The following SLC14A2 variants were observed in gnomAD, a reference collection of about 807,000 sequenced individuals.
SLC14A2 encodes the protein urea transporter 2.
SLC14A2 carries 91 observed loss-of-function variants against 104.6 expected under a neutral mutation model. That is an observed-to-expected ratio of 0.87 (90% CI 0.73 to 1.04). SLC14A2 has a LOEUF of 1.04. Ranked by LOEUF, SLC14A2 falls within the 50% of genes least tolerant of loss-of-function variation. The probability of loss-of-function intolerance (pLI) is 0.00; values close to 1 mark genes in which losing one functional copy is unlikely to be tolerated. For missense variants in SLC14A2, 1,189 were observed against 1,156.0 expected, an observed-to-expected ratio of 1.03 and a Z score of -0.41; for synonymous variants, 476 against 466.4, an observed-to-expected ratio of 1.02 and a Z score of -0.27.
chr18:45,207,827 G>A, the SLC14A2 span, among the ~76,000 whole-genome samples: 1 of 152,060 alleles, frequency 6.6e-6, no homozygotes, highest in Non-Finnish European at 1.5e-5. Flanking sequence ...TGCCCAGAAT[G>A]TTTTCTTAAT....
chr18:45,469,312 G>T (rs762907677), intron 1 of SLC14A2, among the ~76,000 whole-genome samples: 1 of 152,120 alleles, frequency 6.6e-6, no homozygotes, highest in South Asian at 2.1e-4. Flanking sequence ...TAAAGGAAAG[G>T]GAACCCACTG....
chr18:45,506,228 C>G (rs114679599), intron 2 of SLC14A2, among the ~76,000 whole-genome samples: 2 of 152,102 alleles, frequency 1.3e-5, no homozygotes, highest in African/African-American at 2.4e-5. Context: ...GCCTTTGAGA[C>G]CTGCCCTTCA....
chr18:45,363,368 AAAAG>A (rs33970400), intron 1 of SLC14A2, among the ~76,000 whole-genome samples: 3,048 of 152,168 alleles, frequency 0.02, 106 homozygotes, highest in African/African-American at 0.07. Context: ...AAAATAAAGA[AAAAG>A]AAAGAAAGAA....
At chr18:45,645,749 T>C (rs1206440581) in intron 10 of SLC14A2, among the ~76,000 whole-genome samples, 2 of 151,914 alleles carry the variant, frequency 1.3e-5, no homozygotes, top group Non-Finnish European at 2.9e-5. Flanking sequence ...CATTATAGCA[T>C]AAAAGTAGCC....
At position 45,338,682 on chromosome 18, in the gene SLC14A2, C is replaced by CAAAAAAAA. The variant is rs59474827; in HGVS notation, c.-125+125514_-125+125521dup. On this transcript the variant is annotated intron_variant, in intron 1 of 20. Transcript: ENST00000586448. ...GGCCATAGTAACTCACACTGGCTCA[C>CAAAAAAAA]AAAAAAAAAAAAAAAAAAAAAAAAA... Among the ~76,000 whole-genome samples the CAAAAAAAA allele has an allele frequency of 1.7e-3, 87 of 51,824 alleles. 7 individuals carry two copies. Among genetic ancestry groups the CAAAAAAAA allele is most frequent in the Non-Finnish European group, 1.9e-3 (51 of 27,080 alleles). 34.0% of individuals were successfully genotyped at this position (51,824 alleles called of 152,430 possible).
chr18:45,179,299 T>C, the SLC14A2 span, among the ~76,000 whole-genome samples: 1 of 152,200 alleles, frequency 6.6e-6, no homozygotes, highest in Admixed American at 6.5e-5. Context: ...GAGCATGATG[T>C]GGCCTTCTGT....
At chr18:45,382,048 C>T (rs2085844113) in intron 1 of SLC14A2, among the ~76,000 whole-genome samples, 1 of 152,148 alleles carries the variant, frequency 6.6e-6, no homozygotes. Context: ...TTCATTCAAC[C>T]CAATATTCAG....
At chr18:45,281,252 T>C (rs2084759362) in intron 1 of SLC14A2, among the ~76,000 whole-genome samples, 1 of 152,178 alleles carries the variant, frequency 6.6e-6, no homozygotes, top group Non-Finnish European at 1.5e-5. Context: ...ACTCACTACA[T>C]CTCCAACTCA....
At chr18:45,570,389 A>T (rs2044327444) in intron 2 of SLC14A2, among the ~76,000 whole-genome samples, 1 of 152,200 alleles carries the variant, frequency 6.6e-6, no homozygotes, top group Admixed American at 6.5e-5. Context: ...CAGATGGTAG[A>T]TCTTAAAGCA....
intron 1 of SLC14A2, among the ~76,000 whole-genome samples, chr18:45,277,173 A>G (rs538837566): frequency 1.3e-5 from 2 of 152,320 alleles, no homozygotes; most frequent in African/African-American, 4.8e-5. Flanking sequence ...TACATATAGC[A>G]TCTTATGGTT....
chr18:45,635,735 T>A (rs530077149), intron 5 of SLC14A2, among the ~76,000 whole-genome samples: 2 of 152,210 alleles, frequency 1.3e-5, no homozygotes, highest in South Asian at 4.2e-4. Context: ...GGGGAAGATG[T>A]TTAAAGGTAG....
chr18:45,464,819 G>A (rs951366091), intron 1 of SLC14A2, among the ~76,000 whole-genome samples: 4 of 152,158 alleles, frequency 2.6e-5, no homozygotes, highest in Non-Finnish European at 4.4e-5. Flanking sequence ...GCCGTGGGGT[G>A]GTACAAGCGG....
At chr18:45,500,297 G>A (rs966598581) in intron 2 of SLC14A2, among the ~76,000 whole-genome samples, 3 of 151,824 alleles carry the variant, frequency 2.0e-5, no homozygotes, top group African/African-American at 7.2e-5. Flanking sequence ...CTGCCCTTAG[G>A]CCGGGCGCGG....
At chr18:45,329,750 G>A (rs531103145) in intron 1 of SLC14A2, among the ~76,000 whole-genome samples, 83 of 152,230 alleles carry the variant, frequency 5.5e-4, no homozygotes, top group African/African-American at 1.9e-3. Flanking sequence ...TGCTTGACCA[G>A]AAATAGATGT....
chr18:45,192,226 G>T, the SLC14A2 span, among the ~76,000 whole-genome samples: 1 of 152,018 alleles, frequency 6.6e-6, no homozygotes, highest in Admixed American at 6.6e-5. Flanking sequence ...GTGGTATCAG[G>T]CATATATTCA....
intron 1 of SLC14A2, among the ~76,000 whole-genome samples, chr18:45,317,911 G>T (rs1022936663): frequency 6.6e-6 from 1 of 152,154 alleles, no homozygotes; most frequent in Admixed American, 6.5e-5. Flanking sequence ...CCACATGGAT[G>T]ATGAGGCTCA....
intron 2 of SLC14A2, among the ~76,000 whole-genome samples, chr18:45,513,545 A>G (rs971368604): frequency 1.3e-5 from 2 of 152,206 alleles, no homozygotes; most frequent in African/African-American, 4.8e-5. Flanking sequence ...GGCCAATAGG[A>G]CTGTAATCAG....
chr18:45,377,031 GC>G (rs1386297363), intron 1 of SLC14A2, among the ~76,000 whole-genome samples: 1 of 151,990 alleles, frequency 6.6e-6, no homozygotes, highest in Non-Finnish European at 1.5e-5. Context: ...TTACATCACT[GC>G]CCCCATGCCT....
chr18:45,345,417 A>G (rs1040958287), intron 1 of SLC14A2, among the ~76,000 whole-genome samples: 2 of 152,202 alleles, frequency 1.3e-5, no homozygotes, highest in Non-Finnish European at 2.9e-5. Context: ...TCTGATGGAC[A>G]GGTGTTCAGG....
Sources: allele counts gnomAD v4.1 joint callset (sites outside exome capture counted in the v4.1 genomes callset), GRCh38; gene constraint gnomAD v4.1.1; transcripts MANE v1.5; gene names NCBI Gene and HGNC (gene_info 2026-07-23, HGNC 2026-07-21).